Variants in IFT56 observed in about 807,000 individuals in gnomAD.
IFT56 encodes intraflagellar transport 56.
At chr7:139,168,839 G>A in the IFT56 span, among the ~76,000 whole-genome samples, 4 of 152,066 alleles carry the variant, frequency 2.6e-5, no homozygotes, top group Admixed American at 6.5e-5. Context: ...TTAATACAGC[G>A]TTCTTTGTTC....
At chr7:139,187,607 C>G in the IFT56 span, 2 of 1,554,418 alleles carry the variant, frequency 1.3e-6, no homozygotes, top group Non-Finnish European at 1.8e-6. Flanking sequence ...TACTTGTTCT[C>G]TTGGATGATA....
chr7:139,159,228 G>A, the IFT56 span, among the ~76,000 whole-genome samples: 2 of 152,058 alleles, frequency 1.3e-5, no homozygotes, highest in African/African-American at 4.8e-5. Context: ...AACTATCTAG[G>A]TTTGGAAGAT....
chr7:139,169,423 A>C, the IFT56 span: 1 of 1,387,822 alleles, frequency 7.2e-7, no homozygotes, highest in Middle Eastern at 1.8e-4. Flanking sequence ...GTGAAGTTTG[A>C]TTCTCTGTCT....
chr7:139,146,466 G>A, the IFT56 span, among the ~76,000 whole-genome samples: 1 of 152,074 alleles, frequency 6.6e-6, no homozygotes, highest in African/African-American at 2.4e-5. Flanking sequence ...CAAGAAGAAC[G>A]AGATATGAAA....
the IFT56 span, chr7:139,148,146 T>C: frequency 1.3e-6 from 2 of 1,487,026 alleles, no homozygotes; most frequent in Non-Finnish European, 1.8e-6. Flanking sequence ...TTGAGCTTTG[T>C]AATTTGACAT....
At chr7:139,154,539 T>A in the IFT56 span, among the ~76,000 whole-genome samples, 1 of 152,146 alleles carries the variant, frequency 6.6e-6, no homozygotes, top group Admixed American at 6.5e-5. Flanking sequence ...AGTCCAACTT[T>A]ATTCTTTTGC....
chr7:139,136,010 A>G, the IFT56 span, among the ~76,000 whole-genome samples: 12 of 150,956 alleles, frequency 7.9e-5, no homozygotes, highest in African/African-American at 2.7e-4. Context: ...TGCAACCTGC[A>G]CCTCCCTGGT....
chr7:139,169,219 G>A, the IFT56 span: 1 of 1,304,240 alleles, frequency 7.7e-7, no homozygotes, highest in Middle Eastern at 2.0e-4. Flanking sequence ...AAATATGTTA[G>A]AACCATATAG....
the IFT56 span, among the ~76,000 whole-genome samples, chr7:139,138,241 G>A: frequency 5.3e-5 from 8 of 152,100 alleles, no homozygotes; most frequent in Non-Finnish European, 1.0e-4. Context: ...TCTAAAAATA[G>A]GTGAGTACAG....
At chr7:139,154,433 G>C in the IFT56 span, among the ~76,000 whole-genome samples, 1 of 150,956 alleles carries the variant, frequency 6.6e-6, no homozygotes, top group Non-Finnish European at 1.5e-5. Context: ...GAGTCATGAA[G>C]ATTTTCCCCT....
chr7:139,139,291 G>T, the IFT56 span, among the ~76,000 whole-genome samples: 1 of 152,190 alleles, frequency 6.6e-6, no homozygotes, highest in African/African-American at 2.4e-5. Flanking sequence ...GCTAGTATTC[G>T]TAAAAGGCAT....
the IFT56 span, chr7:139,173,201 G>C: frequency 2.0e-6 from 1 of 505,754 alleles, no homozygotes; most frequent in East Asian, 3.2e-5. Context: ...TCCTTAATTG[G>C]AAAAAAAACT....
chr7:139,134,690 C>T, the IFT56 span: 157 of 1,613,690 alleles, frequency 9.7e-5, no homozygotes, highest in Non-Finnish European at 1.2e-4. Context: ...TAGGCAGAGG[C>T]GTACAGCACA....
At chr7:139,143,090 C>T in the IFT56 span, among the ~76,000 whole-genome samples, 3 of 151,668 alleles carry the variant, frequency 2.0e-5, no homozygotes, top group South Asian at 6.2e-4. Context: ...TTCAGTGTTT[C>T]TTAGTTATTT....
chr7:139,160,280 C>T, the IFT56 span, among the ~76,000 whole-genome samples: 1 of 152,296 alleles, frequency 6.6e-6, no homozygotes, highest in East Asian at 1.9e-4. Flanking sequence ...TTATTAACAT[C>T]TCCTTTCAGA....
chr7:139,184,784 G>C, the IFT56 span, among the ~76,000 whole-genome samples: 2 of 152,298 alleles, frequency 1.3e-5, no homozygotes, highest in Non-Finnish European at 2.9e-5. Context: ...GCCGGGCGTG[G>C]TGGCTGATGC....
chr7:139,147,849 T>C, the IFT56 span, among the ~76,000 whole-genome samples: 1 of 152,338 alleles, frequency 6.6e-6, no homozygotes, highest in African/African-American at 2.4e-5. Context: ...TCTTTTGCAT[T>C]ACCTTCTTAG....
the IFT56 span, chr7:139,189,668 GC>G: frequency 6.5e-6 from 2 of 309,776 alleles, no homozygotes; most frequent in Admixed American, 9.9e-5. Flanking sequence ...CTTATCTGGT[GC>G]CTTTCTTCCA....
the IFT56 span, among the ~76,000 whole-genome samples, chr7:139,148,884 G>A: frequency 2.0e-5 from 3 of 152,198 alleles, no homozygotes; most frequent in Admixed American, 2.0e-4. Flanking sequence ...CTAGGTGACA[G>A]AGCGAGACTC....
Sources: allele counts gnomAD v4.1 joint callset (sites outside exome capture counted in the v4.1 genomes callset), GRCh38; gene constraint gnomAD v4.1.1; transcripts MANE v1.5; gene names NCBI Gene and HGNC (gene_info 2026-07-23, HGNC 2026-07-21).